The following CCDC14 variants were observed in gnomAD, a reference collection of about 807,000 sequenced individuals.
The protein encoded by CCDC14 is coiled-coil domain containing 14, also known as coiled-coil domain-containing protein 14.
Under a neutral mutation model 81.4 loss-of-function variants are expected in CCDC14, and 71 were observed. That is an observed-to-expected ratio of 0.87 (90% CI 0.72 to 1.06). The LOEUF is 1.06. Among genes scored for constraint, CCDC14 ranks in the 50% least tolerant of loss-of-function variants. The probability of loss-of-function intolerance (pLI) is 0.00; values close to 1 mark genes in which losing one functional copy is unlikely to be tolerated. For missense variants in CCDC14, 1,046 were observed against 1,047.3 expected (o/e 1.00, Z 0.02); for synonymous variants, 332 against 364.8 (o/e 0.91, Z 1.03).
At chr3:123,959,125 A>G (rs2037518596) in intron 1 of CCDC14, among the ~76,000 whole-genome samples, 1 of 152,222 alleles carries the variant, frequency 6.6e-6, no homozygotes, top group Non-Finnish European at 1.5e-5. Flanking sequence ...TATCTCTTCT[A>G]TATCCTGATT....
chr3:123,941,489 A>G (rs1420868724), intron 9 of CCDC14, among the ~76,000 whole-genome samples: 3 of 152,046 alleles, frequency 2.0e-5, no homozygotes, highest in Non-Finnish European at 4.4e-5. Context: ...GAATGAACCA[A>G]TGTATTCCAA....
At chr3:123,940,035 A>C (rs1291969831) in intron 9 of CCDC14, among the ~76,000 whole-genome samples, 2 of 151,836 alleles carry the variant, frequency 1.3e-5, no homozygotes, top group African/African-American at 4.8e-5. Context: ...TTTTACCATA[A>C]TAAAAATAAA....
At chr3:123,906,930 A>G (rs2034325124) in intron 5 of CCDC14, among the ~76,000 whole-genome samples, 2 of 152,188 alleles carry the variant, frequency 1.3e-5, no homozygotes, top group African/African-American at 4.8e-5. Flanking sequence ...AAGTTCTGCC[A>G]ACTCCTGCTT....
At chr3:123,952,584 G>A in intron 5 of CCDC14, 1 of 528,604 alleles carries the variant, frequency 1.9e-6, no homozygotes, top group Non-Finnish European at 3.9e-6. Flanking sequence ...AATGCATCAT[G>A]GTGTGCTTAC....
chr3:123,905,708 T>C (rs1248808982), intron 5 of CCDC14, among the ~76,000 whole-genome samples: 1 of 152,102 alleles, frequency 6.6e-6, no homozygotes, highest in African/African-American at 2.4e-5. Context: ...TGGATTTCAG[T>C]CTCCCTTCCA....
Position 123,955,864 on chromosome 3 carries a change from A to G in CCDC14, c.331T>C (p.Leu111=). Residue 111 remains leucine (L), a synonymous_variant, in exon 5 of 13, where the codon TTG becomes CTG. Transcript: ENST00000409697. ...TTACATGTTTCTTTCTGGACTACCA[A>G]AGGAATAGTATGTTTTTCATGTCTT... ...KKRHEKHTIP[L]VVQKETSSSD... is the part of the protein sequence containing the mutation. 1 of 1,530,228 alleles carries G rather than the reference A, an allele frequency of 6.5e-7. No homozygotes were observed. Among genetic ancestry groups the G allele is most frequent in the Non-Finnish European group, 8.8e-7 (1 of 1,136,830 alleles). 94.8% of individuals were successfully genotyped at this position (1,530,228 alleles called of 1,614,324 possible). A position where few individuals can be genotyped will look rare whatever the true frequency, so the allele number is the denominator to read the frequency against.
In CCDC14 at chr3:123,904,290, T is replaced by G. The variant is rs186711610; in HGVS notation, c.668-6677A>C. Reference sequence around the variant, plus strand: ...AACGACCAGCTATCTCTGAGGTCTATATAAATCATGGACCTATATGACTTC... The same window carrying G: ...AACGACCAGCTATCTCTGAGGTCTAGATAAATCATGGACCTATATGACTTC... On this transcript the variant is annotated intron_variant, in intron 5 of 5. Coordinates refer to the CCDC14 transcript ENST00000479903. 7.2e-5 allele frequency among the ~76,000 whole-genome samples: 11 copies of G among 152,246 alleles called. No homozygotes were observed. In the East Asian group the frequency reaches 2.1e-3, roughly 29 times the overall value.
intron 5 of CCDC14, among the ~76,000 whole-genome samples, chr3:123,901,650 A>G (rs1401042955): frequency 1.3e-5 from 2 of 152,222 alleles, no homozygotes; most frequent in African/African-American, 2.4e-5. Flanking sequence ...CTATAAAATA[A>G]AAGGTAGGCA....
At chr3:123,909,400 G>A (rs1160735370), downstream of CCDC14, among the ~76,000 whole-genome samples, 1 of 152,146 alleles carries the variant, frequency 6.6e-6, no homozygotes, top group African/African-American at 2.4e-5. Context: ...TAATGCTGGG[G>A]TCCTGGAAAT....
At chr3:123,947,402 T>C in intron 7 of CCDC14, 83 bp from the exon 8 acceptor site, 1 of 885,988 alleles carries the variant, frequency 1.1e-6, no homozygotes, top group Admixed American at 2.5e-5. Flanking sequence ...ATATATGAAA[T>C]ATATTTATTA....
rs766268310 is a variant in CCDC14 at position 123,953,964 on chromosome 3, C to G, written c.352+1879G>C. The G allele has an allele frequency of 3.5e-4, 53 of 152,132 alleles. 2 individuals carry two copies. Among genetic ancestry groups the G allele is most frequent in the Non-Finnish European group, 2.9e-5 (2 of 68,038 alleles). 9.4% of individuals were successfully genotyped at this position (152,132 alleles called of 1,614,324 possible). A position where few individuals can be genotyped will look rare whatever the true frequency, so the allele number is the denominator to read the frequency against. Reference sequence around the variant, plus strand: ...TTATGAGTCCCTTTGTAAATAAACCCTCCTAAAATTACCTCAATTTGAGTG... The same window carrying G: ...TTATGAGTCCCTTTGTAAATAAACCGTCCTAAAATTACCTCAATTTGAGTG... On this transcript the variant is annotated intron_variant, in intron 5 of 12. Transcript: ENST00000409697.
At chr3:123,956,667 C>G in intron 2 of CCDC14, 73 bp downstream of exon 2, 1 of 1,232,742 alleles carries the variant, frequency 8.1e-7, no homozygotes, top group Non-Finnish European at 1.2e-6. Context: ...CTGGGGTAGA[C>G]GACATGTCAT....
intron 1 of CCDC14, among the ~76,000 whole-genome samples, chr3:123,959,923 G>A (rs533132469): frequency 2.6e-5 from 4 of 151,994 alleles, no homozygotes; most frequent in South Asian, 4.2e-4. Flanking sequence ...ATATAATAAT[G>A]GTCTTGGTTT....
intron 9 of CCDC14, among the ~76,000 whole-genome samples, chr3:123,936,526 G>GT (rs113110608): frequency 1.2e-4 from 18 of 152,142 alleles, no homozygotes; most frequent in African/African-American, 4.1e-4. Context: ...ATGAGATCAT[G>GT]TTTTTTTGCA....
At chr3:123,925,960 A>G (rs2035336400) in intron 12 of CCDC14, among the ~76,000 whole-genome samples, 1 of 152,212 alleles carries the variant, frequency 6.6e-6, no homozygotes, top group Non-Finnish European at 1.5e-5. Context: ...TGTTACTACA[A>G]CACAAAAATA....
At chr3:123,926,764 T>A (rs1361069801) in intron 12 of CCDC14, among the ~76,000 whole-genome samples, 6 of 152,022 alleles carry the variant, frequency 3.9e-5, no homozygotes, top group Non-Finnish European at 8.8e-5. Flanking sequence ...TACCTTTCAG[T>A]CCCATTACTC....
chr3:123,889,415 T>TA, the CCDC14 span, among the ~76,000 whole-genome samples: 273 of 151,082 alleles, frequency 1.8e-3, 1 homozygote, highest in Middle Eastern at 6.8e-3. Flanking sequence ...CAATCTCAAA[T>TA]AAAAAAAAGG....
At chr3:123,931,070 G>C (rs750878821) in intron 12 of CCDC14, 32 bp downstream of exon 12, 1 of 1,519,274 alleles carries the variant, frequency 6.6e-7, no homozygotes, top group Non-Finnish European at 8.8e-7. Flanking sequence ...AAATAAAAAA[G>C]GCATGAGTTA....
Position 123,946,864 on chromosome 3 carries a change from A to T in CCDC14, c.1140T>A (p.Ala380=). ...AATATTTTATAATTCTAACTTTTTCAGCTGTCTTGTTCACATTTTTTGCCT... is the reference window on the plus strand; with the variant it reads ...AATATTTTATAATTCTAACTTTTTCTGCTGTCTTGTTCACATTTTTTGCCT... ...VQKAKNVNKT[A]EKVRIIKYLL... Residue 380 remains alanine, a synonymous_variant, in exon 8 of 13, where the codon GCT becomes GCA. Coordinates refer to ENST00000409697, the MANE Select transcript of CCDC14 (RefSeq NM_001366335.1). 2 of 1,613,924 alleles carry T rather than the reference A, an allele frequency of 1.2e-6. No individual in the cohort carries two copies. Among genetic ancestry groups the T allele is most frequent in the East Asian group, 4.5e-5 (2 of 44,874 alleles).
Sources: allele counts gnomAD v4.1 joint callset (sites outside exome capture counted in the v4.1 genomes callset), GRCh38; gene constraint gnomAD v4.1.1; transcripts MANE v1.5; gene names NCBI Gene and HGNC (gene_info 2026-07-23, HGNC 2026-07-21).